The following KMT2C variants were observed in gnomAD, a reference collection of about 807,000 sequenced individuals.
KMT2C encodes the protein lysine methyltransferase 2C.
A neutral mutation model predicts 507.9 loss-of-function variants in KMT2C; 88 were observed. The observed-to-expected ratio is 0.17, with a 90% CI of 0.15 to 0.21. The LOEUF is 0.21. KMT2C is among the 10% of genes least tolerant of loss of function. KMT2C has a pLI of 1.00. For synonymous variants in KMT2C, 2,049 were observed against 2,080.8 expected, an observed-to-expected ratio of 0.98 and a Z score of 0.42; for missense variants, 4,954 against 5,957.8, an observed-to-expected ratio of 0.83 and a Z score of 5.55.
intron 2 of KMT2C, among the ~76,000 whole-genome samples, chr7:152,340,148 ATTTT>A (rs71885303): frequency 1.6e-5 from 2 of 127,644 alleles, no homozygotes; most frequent in Admixed American, 8.0e-5. Flanking sequence ...TCACGCCTGG[ATTTT>A]TTTTTTTTTT....
intron 55 of KMT2C, among the ~76,000 whole-genome samples, chr7:152,143,280 T>A (rs1325003336): frequency 6.6e-6 from 1 of 151,564 alleles, no homozygotes; most frequent in African/African-American, 2.4e-5. Context: ...TCAAACAAGA[T>A]CAAGAGCAGA....
At chr7:152,207,636 T>G (rs1360167729) in intron 23 of KMT2C, among the ~76,000 whole-genome samples, 1 of 152,092 alleles carries the variant, frequency 6.6e-6, no homozygotes, top group East Asian at 1.9e-4. Flanking sequence ...AAATAAAACA[T>G]AATCAGAGAA....
At position 152,273,604 on chromosome 7, in the gene KMT2C, C is replaced by T. The variant is rs555014347; in HGVS notation, c.1012+101G>A. 2.8e-5 allele frequency: 40 copies of T among 1,437,302 alleles called. No homozygotes were observed. In the East Asian group the frequency reaches 9.3e-4, roughly 33 times the overall value. 89.0% of individuals were successfully genotyped at this position (1,437,302 alleles called of 1,614,324 possible). On this transcript the variant is annotated intron_variant, in intron 7 of 58. Transcript: ENST00000262189. ...GATTTTAAAGATTATGTATTATTAC[C>T]TTTTAATACAAGTAGAATAACACTC... is the stretch of plus-strand genomic sequence containing the variant.
Position 152,158,882 on chromosome 7 carries a change from G to T in KMT2C, c.11651C>A (p.Thr3884Lys). 1 of 1,614,060 alleles carries T rather than the reference G, an allele frequency of 6.2e-7. No homozygotes were observed. Among genetic ancestry groups the T allele is most frequent in the Non-Finnish European group, 8.5e-7 (1 of 1,179,922 alleles). Residue 3884 changes from threonine (T) to lysine (K), a missense_variant, in exon 44 of 59, where the codon ACG becomes AAG. Physicochemically the swap from Thr to Lys is moderately conservative, Grantham distance 78. Coordinates refer to ENST00000262189, the MANE Select transcript of KMT2C (RefSeq NM_170606.3). ...CCTCACCTGTTTCAAGTGGGTAAAC[G>T]TGTCAGTGCTAGAGTACATAGCTTG... The part of the protein sequence containing the change: ...EKQAMYSSTD[T>K]FTHLKQQNNL...
chr7:152,329,020 G>C (rs1277820331), intron 3 of KMT2C, among the ~76,000 whole-genome samples: 1 of 151,984 alleles, frequency 6.6e-6, no homozygotes, highest in Admixed American at 6.6e-5. Flanking sequence ...ATAAAAGTCT[G>C]GAGTTCAGGT....
chr7:152,294,541 AT>A (rs1226542884), intron 6 of KMT2C, among the ~76,000 whole-genome samples: 2 of 151,668 alleles, frequency 1.3e-5, no homozygotes, highest in Admixed American at 6.6e-5. Flanking sequence ...AGCTGGAAAC[AT>A]TGCTAGAGTT....
chr7:152,200,765 A>C (rs1300515787), intron 26 of KMT2C, among the ~76,000 whole-genome samples: 3 of 152,182 alleles, frequency 2.0e-5, no homozygotes, highest in Non-Finnish European at 4.4e-5. Flanking sequence ...GACTATTATA[A>C]GTTTGCAAAA....
intron 9 of KMT2C, among the ~76,000 whole-genome samples, chr7:152,262,741 T>G (rs2095800725): frequency 6.6e-6 from 1 of 152,194 alleles, no homozygotes; most frequent in Admixed American, 6.5e-5. Flanking sequence ...AGGAAGTGAA[T>G]ACTAATCTAT....
At chr7:152,223,235 A>G (rs1033732344) in intron 20 of KMT2C, among the ~76,000 whole-genome samples, 1 of 152,192 alleles carries the variant, frequency 6.6e-6, no homozygotes, top group Non-Finnish European at 1.5e-5. Flanking sequence ...GTACAACAAT[A>G]TACCAATGAA....
intron 16 of KMT2C, among the ~76,000 whole-genome samples, chr7:152,233,794 A>G (rs2095195356): frequency 6.6e-6 from 1 of 152,214 alleles, no homozygotes; most frequent in African/African-American, 2.4e-5. Flanking sequence ...AATTTATGCA[A>G]GGAGAGACAG....
Position 152,148,992 on chromosome 7 carries a change from G to A in KMT2C, c.12935C>T (p.Ala4312Val). Residue 4312 changes from alanine (A) to valine (V), a missense_variant, in exon 52 of 59, where the codon GCT becomes GTT. Physicochemically the swap from Ala to Val is moderately conservative, Grantham distance 64. Transcript: ENST00000262189. The surrounding 1 kb of genome is among the most constrained non-coding windows in gnomAD (Gnocchi z 7.1). The part of the protein sequence containing the change: ...PASPPIAFPP[A>V]FEAAQVEAKP... ...GGCCTCGACTTGGGCTGCTTCAAAAGCAGGAGGGAAGGCGATGGGTGGTGA... is the reference window on the plus strand; with the variant it reads ...GGCCTCGACTTGGGCTGCTTCAAAAACAGGAGGGAAGGCGATGGGTGGTGA... 6.4e-7 allele frequency: 1 copy of A among 1,572,772 alleles called. No individual in the cohort carries two copies. The highest frequency in any genetic ancestry group is 8.6e-7 in the Non-Finnish European group (1 of 1,161,142).
chr7:152,435,638 C>T lies in KMT2C; in HGVS notation c.149G>A (p.Arg50Lys). Reference protein sequence around the residue: ...PRKDGASPFQRARKKPRSRGK... With the variant: ...PRKDGASPFQKARKKPRSRGK... ...GCACTCAACTTACTTCTTTCTGGCTCTCTGGAAAGGGGAAGCGCCATCTTT... is the reference window on the plus strand; with the variant it reads ...GCACTCAACTTACTTCTTTCTGGCTTTCTGGAAAGGGGAAGCGCCATCTTT... The change falls in exon 1 of 59, where the codon AGA (arginine) becomes AAA (lysine). Residue 50 changes from arginine to lysine, a missense_variant. This residue lies in a region of KMT2C where 233 missense variants were observed against 263.6 expected (regional missense o/e 0.88). Coordinates refer to ENST00000262189, the MANE Select transcript of KMT2C (RefSeq NM_170606.3). 6.5e-7 allele frequency: 1 copy of T among 1,532,636 alleles called. No individual in the cohort carries two copies. The allele number at this position is 1,532,636 out of a possible 1,614,324, so 94.9% of individuals were successfully genotyped here. A position where few individuals can be genotyped will look rare whatever the true frequency, so the allele number is the denominator to read the frequency against.
intron 3 of KMT2C, among the ~76,000 whole-genome samples, chr7:152,315,612 T>C (rs1050471706): frequency 6.6e-6 from 1 of 152,194 alleles, no homozygotes; most frequent in African/African-American, 2.4e-5. Flanking sequence ...AGTTATTTTC[T>C]TTTATATTTG....
intron 27 of KMT2C, among the ~76,000 whole-genome samples, chr7:152,197,187 T>C (rs1046489898): frequency 2.6e-5 from 4 of 152,118 alleles, no homozygotes; most frequent in African/African-American, 7.2e-5. Flanking sequence ...CTGAGACAAG[T>C]GGTCGGCTTT....
At chr7:152,290,258 G>GTGTGTGTGTGTGTA (rs1337492088) in intron 6 of KMT2C, among the ~76,000 whole-genome samples, 2 of 26,242 alleles carry the variant, frequency 7.6e-5, no homozygotes, top group African/African-American at 2.8e-4. Context: ...GTGTGTATGT[G>GTGTGTGTGTGTGTA]TATATATATA....
intron 2 of KMT2C, among the ~76,000 whole-genome samples, chr7:152,350,580 TG>T (rs1563953398): frequency 6.6e-6 from 1 of 152,094 alleles, no homozygotes; most frequent in African/African-American, 2.4e-5. Context: ...ATAGAAACAA[TG>T]GTAAGAATAC....
intron 3 of KMT2C, among the ~76,000 whole-genome samples, chr7:152,320,847 A>C (rs1188101873): frequency 1.3e-5 from 2 of 152,052 alleles, no homozygotes; most frequent in African/African-American, 4.8e-5. Flanking sequence ...GCCATAAAAG[A>C]ATACATGATA....
chr7:152,311,975 G>A (rs2096675871), intron 4 of KMT2C, 29 bp from the exon 5 acceptor site: 1 of 1,513,256 alleles, frequency 6.6e-7, no homozygotes, highest in Non-Finnish European at 9.0e-7. Flanking sequence ...AACTGTGAAA[G>A]TGAAAACAAG....
rs754417201 is a variant in KMT2C at position 152,187,745 on chromosome 7, G to A, written c.4763C>T (p.Ala1588Val). The A allele has an allele frequency of 6.2e-7, 1 of 1,614,108 alleles. No individual in the cohort carries two copies. The highest frequency in any genetic ancestry group is 1.1e-5 in the South Asian group (1 of 91,080). Residue 1588 changes from alanine to valine, a missense_variant, in exon 32 of 59, where the codon GCA (alanine) becomes GTA (valine). Ala to Val is a moderately conservative substitution (Grantham distance 64). This residue lies in a region of KMT2C where 195 missense variants were observed against 183.7 expected (regional missense o/e 1.06). Transcript: ENST00000262189. ...ATCAGGATAAGAGGATTGTGCAATT[G>A]CAGAGAAAGTTCCCAGTCCGCTTCC... ...PPGSGLGTFS[A>V]IAQSSYPDAR...
Sources: allele counts gnomAD v4.1 joint callset (sites outside exome capture counted in the v4.1 genomes callset), GRCh38; gene constraint gnomAD v4.1.1; regional missense constraint gnomAD v4.1.1; non-coding constraint Gnocchi (gnomAD v3.1); transcripts MANE v1.5; gene names NCBI Gene and HGNC (gene_info 2026-07-23, HGNC 2026-07-21).